CREB5: variants seen among roughly 807,000 people sequenced by gnomAD.
The protein encoded by CREB5 is cyclic AMP-responsive element-binding protein 5.
Under a neutral mutation model 57.1 loss-of-function variants are expected in CREB5, and 19 were observed. The ratio of observed to expected loss-of-function variants is 0.33; its 90% CI spans 0.23 to 0.49. The LOEUF (loss-of-function observed/expected upper bound fraction) is 0.49. CREB5 is among the 20% of genes least tolerant of loss of function. CREB5 has a pLI of 0.99. For synonymous variants in CREB5, 238 were observed against 238.3 expected (o/e 1.00, Z 0.01); for missense variants, 579 against 671.6 (o/e 0.86, Z 1.52).
chr7:28,658,855 A>T, intron 5 of CREB5, among the ~76,000 whole-genome samples: 1 of 151,160 alleles, frequency 6.6e-6, no homozygotes, highest in East Asian at 1.9e-4. Flanking sequence ...GCATAGACAT[A>T]GACTATTTCC....
chr7:28,306,474 T>G (rs1785183930), intron 1 of CREB5, among the ~76,000 whole-genome samples: 2 of 151,636 alleles, frequency 1.3e-5, no homozygotes, highest in Non-Finnish European at 2.9e-5. Flanking sequence ...AAAATATTTT[T>G]TGCTCATCAT....
intron 7 of CREB5, among the ~76,000 whole-genome samples, chr7:28,732,958 C>T (rs1056839317): frequency 1.3e-5 from 2 of 151,158 alleles, no homozygotes; most frequent in African/African-American, 4.9e-5. Flanking sequence ...GTTTGAGAAG[C>T]TGGATTGTAC....
At chr7:28,720,055 G>A (rs557854706) in intron 6 of CREB5, among the ~76,000 whole-genome samples, 6 of 152,286 alleles carry the variant, frequency 3.9e-5, no homozygotes, top group East Asian at 1.9e-4. Context: ...GCGAGACTCC[G>A]TCTCAAAAAA....
intron 5 of CREB5, among the ~76,000 whole-genome samples, chr7:28,670,030 G>A (rs187734867): frequency 9.9e-5 from 15 of 152,276 alleles, no homozygotes; most frequent in South Asian, 2.1e-4. Context: ...AAAGTAAAAC[G>A]TTTTTGAGAC....
chr7:28,671,352 C>A (rs559537014), intron 5 of CREB5, among the ~76,000 whole-genome samples: 23 of 151,970 alleles, frequency 1.5e-4, no homozygotes, highest in Admixed American at 3.9e-4. Flanking sequence ...TTTAAAAATA[C>A]GTTTCCTGCT....
intron 5 of CREB5, among the ~76,000 whole-genome samples, chr7:28,639,530 A>G (rs1227775517): frequency 6.6e-6 from 1 of 152,138 alleles, no homozygotes; most frequent in African/African-American, 2.4e-5. Flanking sequence ...CCATGTTTTA[A>G]TTTTTCATAA....
Position 28,345,617 on chromosome 7 carries a change from G to A in CREB5, c.-25+46176G>A, listed in dbSNP as rs186127599. On this transcript the variant is annotated intron_variant, in intron 1 of 9. Coordinates refer to the CREB5 transcript ENST00000396299. ...TTCATTGCAGAGTTTCAGCCCAGTG[G>A]CTGAACTAGACACACTGTTCAAGGG... Among the ~76,000 whole-genome samples, 772 of 152,212 alleles carry A rather than the reference G, an allele frequency of 5.1e-3. 1 individual carries two copies. Among genetic ancestry groups the A allele is most frequent in the Admixed American group, 9.0e-3 (137 of 15,294 alleles).
intron 5 of CREB5, among the ~76,000 whole-genome samples, chr7:28,583,089 C>T (rs901420048): frequency 1.3e-5 from 2 of 152,142 alleles, no homozygotes. Context: ...GGGCAGGGCT[C>T]CCCATTTCCC....
intron 5 of CREB5, among the ~76,000 whole-genome samples, chr7:28,694,479 G>A (rs533422775): frequency 3.3e-5 from 5 of 152,214 alleles, no homozygotes; most frequent in Non-Finnish European, 4.4e-5. Flanking sequence ...CAGGTCACAG[G>A]GAACGTCATT....
intron 7 of CREB5, among the ~76,000 whole-genome samples, chr7:28,772,563 A>G (rs1350634863): frequency 1.3e-5 from 2 of 152,250 alleles, no homozygotes; most frequent in Non-Finnish European, 2.9e-5. Context: ...CAAAGACTTG[A>G]AAAGAAACAA....
intron 7 of CREB5, among the ~76,000 whole-genome samples, chr7:28,795,366 T>C (rs1807967976): frequency 6.6e-6 from 1 of 152,218 alleles, no homozygotes; most frequent in Non-Finnish European, 1.5e-5. Context: ...CGTTAAACAC[T>C]CTCGACTAGC....
At chr7:28,516,074 G>T (rs575639007) in intron 4 of CREB5, among the ~76,000 whole-genome samples, 1 of 152,018 alleles carries the variant, frequency 6.6e-6, no homozygotes, top group African/African-American at 2.4e-5. Flanking sequence ...ATTATCCAGG[G>T]TTGGTGGCCC....
At chr7:28,479,689 C>G (rs1400348863) in intron 1 of CREB5, among the ~76,000 whole-genome samples, 1 of 152,202 alleles carries the variant, frequency 6.6e-6, no homozygotes, top group Non-Finnish European at 1.5e-5. Flanking sequence ...TAGAATACAA[C>G]CTGGGAATGC....
intron 1 of CREB5, among the ~76,000 whole-genome samples, chr7:28,398,820 TC>T (rs1787389510): frequency 1.3e-5 from 2 of 152,012 alleles, no homozygotes; most frequent in Non-Finnish European, 1.5e-5. Flanking sequence ...CAAGCGATCC[TC>T]CCACCTCAGC....
At chr7:28,715,226 C>G (rs1802617107) in intron 5 of CREB5, among the ~76,000 whole-genome samples, 1 of 152,212 alleles carries the variant, frequency 6.6e-6, no homozygotes, top group East Asian at 1.9e-4. Context: ...GTTATGGGAG[C>G]CATCCAGGTG....
chr7:28,470,915 T>C (rs1172205184), intron 1 of CREB5, among the ~76,000 whole-genome samples: 1 of 152,186 alleles, frequency 6.6e-6, no homozygotes. Flanking sequence ...GCCCAATTTT[T>C]TAATTGGATT....
intron 1 of CREB5, among the ~76,000 whole-genome samples, chr7:28,336,990 G>A (rs1016940107): frequency 2.6e-5 from 4 of 151,814 alleles, no homozygotes; most frequent in Admixed American, 2.0e-4. Context: ...ATTTCCATGT[G>A]TTTTTATAGT....
chr7:28,804,245 G>T lies in CREB5; in HGVS notation c.749G>T (p.Gly250Val). The T allele has an allele frequency of 6.2e-7, 1 of 1,614,070 alleles. No individual in the cohort carries two copies. Among genetic ancestry groups the T allele is most frequent in the Non-Finnish European group, 8.5e-7 (1 of 1,180,000 alleles). Residue 250 changes from glycine to valine, a missense_variant, in exon 8 of 11, where the codon GGG (glycine) becomes GTG (valine). Coordinates refer to ENST00000357727, the MANE Select transcript of CREB5 (RefSeq NM_182898.4). ...LTHHPAAMSN[G>V]NMNTMGHMME... The stretch of plus-strand genomic sequence containing the variant: ...CACCACCCTGCTGCCATGTCAAATG[G>T]GAACATGAACACCATGGGACACATG...
Position 28,563,738 on chromosome 7 carries a change from G to C in CREB5, c.292-6627G>C, listed in dbSNP as rs117689420. 6.6e-3 allele frequency among the ~76,000 whole-genome samples: 1,006 copies of C among 152,294 alleles called. 12 individuals carry two copies. Among genetic ancestry groups the C allele is most frequent in the East Asian group, 0.026 (137 of 5,176 alleles). On this transcript the variant is annotated intron_variant, in intron 4 of 10. Transcript: ENST00000357727. ...AATTTAAATATGTGTATCAAGGCTA[G>C]AGTTTTCATAGCCCCCCTGTGCTCT...
Sources: allele counts gnomAD v4.1 joint callset (sites outside exome capture counted in the v4.1 genomes callset), GRCh38; gene constraint gnomAD v4.1.1; transcripts MANE v1.5; gene names NCBI Gene and HGNC (gene_info 2026-07-23, HGNC 2026-07-21).